The following NRG1 variants were observed in gnomAD, a reference collection of about 807,000 sequenced individuals.
The protein encoded by NRG1 is pro-neuregulin-1, membrane-bound isoform.
A neutral mutation model predicts 63.8 loss-of-function variants in NRG1; 18 were observed. The observed-to-expected ratio is 0.28, with a 90% CI of 0.19 to 0.42. The LOEUF (loss-of-function observed/expected upper bound fraction) is 0.42. Among genes scored for constraint, NRG1 ranks in the 10% least tolerant of loss-of-function variants. NRG1 has a pLI of 1.00. For missense variants in NRG1, 762 were observed against 814.7 expected (o/e 0.94, Z 0.79); for synonymous variants, 302 against 301.3 (o/e 1.00, Z -0.02).
exon 2 of NRG1, chr8:32,595,877 T>G (rs1284910571): frequency 1.2e-6 from 2 of 1,613,662 alleles, no homozygotes; most frequent in Non-Finnish European, 1.7e-6. Context: ...CGGCTGCAGG[T>G]TCCAAACTAG....
intron 5 of NRG1, among the ~76,000 whole-genome samples, chr8:32,696,918 T>C (rs1376313702): frequency 1.3e-5 from 2 of 151,902 alleles, no homozygotes; most frequent in Non-Finnish European, 2.9e-5. Context: ...CACCTCGACT[T>C]CCCAAAGTGC....
At chr8:32,209,372 A>C (rs191702318) in intron 1 of NRG1, among the ~76,000 whole-genome samples, 1 of 151,934 alleles carries the variant, frequency 6.6e-6, no homozygotes, top group African/African-American at 2.4e-5. Context: ...CTGTTTTTCT[A>C]GCTTTTTTTA....
At chr8:32,151,647 GA>G (rs1585674381) in intron 1 of NRG1, among the ~76,000 whole-genome samples, 1 of 152,320 alleles carries the variant, frequency 6.6e-6, no homozygotes, top group East Asian at 1.9e-4. Context: ...AGCAAGAAAT[GA>G]AAGGGAGAGA....
At chr8:32,616,774 T>C (rs1394331914) in intron 4 of NRG1, 61 bp from the exon 5 acceptor site, 1 of 1,380,292 alleles carries the variant, frequency 7.2e-7, no homozygotes, top group Non-Finnish European at 1.0e-6. Flanking sequence ...GGCAAATTTC[T>C]AATTTATGAG....
At chr8:32,446,067 C>A (rs190877074) in intron 1 of NRG1, among the ~76,000 whole-genome samples, 1 of 152,242 alleles carries the variant, frequency 6.6e-6, no homozygotes, top group South Asian at 2.1e-4. Flanking sequence ...CTGGACTAAA[C>A]CTCAGTTTAT....
chr8:31,750,312 C>T (rs773161654), intron 1 of NRG1, among the ~76,000 whole-genome samples: 43 of 151,848 alleles, frequency 2.8e-4, no homozygotes, highest in Non-Finnish European at 5.4e-4. Flanking sequence ...AAAGAAGCAC[C>T]GTGCTCCAAT....
chr8:32,270,744 T>G (rs1168729301), intron 1 of NRG1, among the ~76,000 whole-genome samples: 1 of 152,212 alleles, frequency 6.6e-6, no homozygotes, highest in Non-Finnish European at 1.5e-5. Context: ...TGACCTCACA[T>G]TAGCAGCTTT....
chr8:31,669,841 G>A (rs1221863655), intron 1 of NRG1, among the ~76,000 whole-genome samples: 2 of 152,142 alleles, frequency 1.3e-5, no homozygotes, highest in Non-Finnish European at 2.9e-5. Context: ...AATAAAGCAT[G>A]TGTGTGCACC....
chr8:32,424,267 A>C, intron 1 of NRG1, among the ~76,000 whole-genome samples: 1 of 151,986 alleles, frequency 6.6e-6, no homozygotes, highest in East Asian at 1.9e-4. Flanking sequence ...CTAGTCCTAC[A>C]TTGTAGGACT....
chr8:31,991,011 A>G (rs1300468785), intron 1 of NRG1, among the ~76,000 whole-genome samples: 1 of 152,094 alleles, frequency 6.6e-6, no homozygotes, highest in Admixed American at 6.6e-5. Context: ...TGTTACTTTA[A>G]AAAATTATCT....
At chr8:31,965,917 G>A (rs180891478) in intron 1 of NRG1, among the ~76,000 whole-genome samples, 10 of 152,182 alleles carry the variant, frequency 6.6e-5, no homozygotes, top group Non-Finnish European at 8.8e-5. Flanking sequence ...TAAACAATGA[G>A]CACATATGCA....
chr8:31,697,040 G>C (rs543967018), intron 1 of NRG1, among the ~76,000 whole-genome samples: 1 of 152,292 alleles, frequency 6.6e-6, no homozygotes, highest in Admixed American at 6.5e-5. Context: ...ACTTTGTGCT[G>C]TGGATTTAGT....
exon 8 of NRG1, chr8:32,754,403 G>T: frequency 6.2e-7 from 1 of 1,613,802 alleles, no homozygotes; most frequent in Non-Finnish European, 8.5e-7. Context: ...AGAGAGTGCT[G>T]ACCATAACCG....
intron 1 of NRG1, among the ~76,000 whole-genome samples, chr8:31,711,703 A>G (rs1046324339): frequency 1.1e-4 from 16 of 152,130 alleles, no homozygotes; most frequent in Admixed American, 2.0e-4. Flanking sequence ...TCATAATCTA[A>G]GTGGCTTATG....
intron 1 of NRG1, among the ~76,000 whole-genome samples, chr8:32,395,109 AC>A (rs1240357144): frequency 1.3e-5 from 2 of 152,134 alleles, no homozygotes; most frequent in Non-Finnish European, 2.9e-5. Context: ...AATAATGGTG[AC>A]CTTTTTCACG....
intron 1 of NRG1, among the ~76,000 whole-genome samples, chr8:32,079,198 G>C (rs919901787): frequency 3.4e-5 from 5 of 147,336 alleles, no homozygotes; most frequent in African/African-American, 1.2e-4. Context: ...CACATACAAG[G>C]GGTCATACTT....
At chr8:31,764,723 T>C (rs1817881300) in intron 1 of NRG1, among the ~76,000 whole-genome samples, 1 of 152,168 alleles carries the variant, frequency 6.6e-6, no homozygotes, top group Admixed American at 6.5e-5. Context: ...TGTATCCTCA[T>C]TTACTTACAT....
chr8:31,748,305 A>T (rs1321503515), intron 1 of NRG1, among the ~76,000 whole-genome samples: 1 of 151,958 alleles, frequency 6.6e-6, no homozygotes, highest in Non-Finnish European at 1.5e-5. Flanking sequence ...CCATTAACTC[A>T]TTGAGTCCTC....
At chr8:31,946,376 C>T (rs1321518282) in intron 1 of NRG1, among the ~76,000 whole-genome samples, 1 of 152,142 alleles carries the variant, frequency 6.6e-6, no homozygotes, top group Non-Finnish European at 1.5e-5. Flanking sequence ...CTTGGAAAAA[C>T]ACCATAATGT....
Sources: gnomAD v4.1 joint callset for allele counts (sites outside exome capture counted in the v4.1 genomes callset) on GRCh38, gnomAD v4.1.1 for gene constraint, MANE v1.5 for transcripts, NCBI Gene and HGNC (gene_info 2026-07-23, HGNC 2026-07-21) for gene names.